SLC3A1: variants seen among roughly 807,000 people sequenced by gnomAD.
SLC3A1 encodes the protein solute carrier family 3 member 1, also known as amino acid transporter heavy chain SLC3A1.
SLC3A1 carries 78 observed loss-of-function variants against 60.3 expected under a neutral mutation model. The ratio of observed to expected loss-of-function variants is 1.29; its 90% CI spans 1.08 to 1.56. The LOEUF (loss-of-function observed/expected upper bound fraction) is 1.56, where lower values mean the gene tolerates loss of function less well. Ranked by LOEUF, SLC3A1 falls within the 40% of genes most tolerant of loss-of-function variation. The pLI, the probability that SLC3A1 is intolerant of heterozygous loss-of-function variation, is 0.00. For missense variants in SLC3A1, 1,172 were observed against 858.9 expected, an observed-to-expected ratio of 1.36 and a Z score of -4.56; for synonymous variants, 392 against 307.9, an observed-to-expected ratio of 1.27 and a Z score of -2.86.
At chr2:44,319,990 C>T (rs927671720) in intron 9 of SLC3A1, 1 of 564,734 alleles carries the variant, frequency 1.8e-6, no homozygotes, top group Admixed American at 3.0e-5. Context: ...TTATTGACTC[C>T]CAGACAAGCC....
rs374453302 is a variant in SLC3A1, at chr2:44,300,135, T to C, written c.1011+45T>C. 228 of 1,602,528 alleles carry C rather than the reference T, an allele frequency of 1.4e-4. No individual in the cohort carries two copies. The African/African-American group carries it at 2.9e-3, about 21-fold the overall frequency. Reference sequence around the variant, plus strand: ...GTTTTTCTTTTGCCTTTTCTGAAAATGTCATCAGAGTGTTTTCTTTCTCAG... The same window carrying C: ...GTTTTTCTTTTGCCTTTTCTGAAAACGTCATCAGAGTGTTTTCTTTCTCAG... On this transcript the variant is annotated intron_variant, in intron 5 of 9. Transcript: ENST00000260649.
At chr2:44,315,352 A>C (rs1181040694) in intron 9 of SLC3A1, 2 of 152,134 alleles carry the variant, frequency 1.3e-5, no homozygotes, top group Non-Finnish European at 2.9e-5. Flanking sequence ...TCTAAAATAC[A>C]TAAAGTAAAA....
chr2:44,306,138 TAG>T (rs1000732559), intron 7 of SLC3A1, among the ~76,000 whole-genome samples: 3 of 152,130 alleles, frequency 2.0e-5, no homozygotes, highest in African/African-American at 4.8e-5. Context: ...GCCTTATATA[TAG>T]AGAGAGAGTT....
intron 9 of SLC3A1, chr2:44,318,558 T>TA (rs1390809219): frequency 2.6e-5 from 4 of 152,800 alleles, no homozygotes; most frequent in African/African-American, 9.7e-5. Flanking sequence ...TATAGAATGG[T>TA]AACATATCAC....
At chr2:44,318,923 A>T (rs1239348983) in intron 9 of SLC3A1, 2 of 152,216 alleles carry the variant, frequency 1.3e-5, no homozygotes, top group Middle Eastern at 3.2e-3. Flanking sequence ...ATGCAAAATC[A>T]ACAAATCTGC....
rs1672095922 is a variant in SLC3A1, at chr2:44,304,278, G to A, written c.1272G>A (p.Val424=). ...SMLDTVSGNS[V]YEVITSWMEN... is the part of the protein sequence containing the mutation. ...TAGACACTGTTTCTGGGAACAGCGT[G>A]TATGAGGTTATCACATCCTGGATGG... The change falls in exon 7 of 10, where the codon GTG becomes GTA. Residue 424 remains valine (V), a synonymous_variant. Coordinates refer to ENST00000260649, the MANE Select transcript of SLC3A1 (RefSeq NM_000341.4). 2 of 1,614,090 alleles carry A rather than the reference G, an allele frequency of 1.2e-6. No individual in the cohort carries two copies. The highest frequency in any genetic ancestry group is 1.3e-5 in the African/African-American group (1 of 74,944).
rs56815406 is a variant in SLC3A1 at position 44,317,091 on chromosome 2, A to G, written c.1618-3108A>G. On this transcript the variant is annotated intron_variant, in intron 9 of 9. Coordinates refer to ENST00000260649, the MANE Select transcript of SLC3A1 (RefSeq NM_000341.4). ...AATGAGAGAGCAGTGTTTGTTTTGCACAGGAAAAAGAGTAACTCTAGATTT... is the reference window on the plus strand; with the variant it reads ...AATGAGAGAGCAGTGTTTGTTTTGCGCAGGAAAAAGAGTAACTCTAGATTT... Among the ~76,000 whole-genome samples the G allele has an allele frequency of 7.2e-3, 1,101 of 152,278 alleles. 16 individuals carry two copies. Among genetic ancestry groups the G allele is most frequent in the African/African-American group, 0.025 (1,058 of 41,540 alleles).
chr2:44,298,104 T>A (rs777960595), intron 4 of SLC3A1, among the ~76,000 whole-genome samples: 1 of 152,204 alleles, frequency 6.6e-6, no homozygotes, highest in African/African-American at 2.4e-5. Context: ...ATGCGTGAAA[T>A]TGCTGGGTCT....
chr2:44,321,121 T>TGG lies in SLC3A1; in HGVS notation c.*482_*483insGG, dbSNP rs1672903077. 25 of 496,118 alleles carry TGG rather than the reference T, an allele frequency of 5.0e-5. No individual in the cohort carries two copies. In the South Asian group the frequency reaches 6.1e-4, roughly 12 times the overall value. The allele number at this position is 496,118 out of a possible 1,614,324, so 30.7% of individuals were successfully genotyped here. A position where few individuals can be genotyped will look rare whatever the true frequency, so the allele number is the denominator to read the frequency against. On this transcript the variant is annotated 3_prime_UTR_variant, in exon 10 of 10. Coordinates refer to ENST00000260649, the MANE Select transcript of SLC3A1 (RefSeq NM_000341.4). ...TTCCCTTCCCTCTACTCCACATCCT[T>TGG]CTAAGGAGCATGATTTGAAAATTAC...
downstream of SLC3A1, chr2:44,321,946 T>G: frequency 1.9e-6 from 3 of 1,567,180 alleles, no homozygotes; most frequent in Non-Finnish European, 2.6e-6. Flanking sequence ...GTATGGGATC[T>G]TCTTTGGAAG....
At chr2:44,322,107 G>A (rs145030129), downstream of SLC3A1, among the ~76,000 whole-genome samples, 91 of 152,240 alleles carry the variant, frequency 6.0e-4, 1 homozygote, top group East Asian at 6.2e-3. Flanking sequence ...GGAAGAGGCC[G>A]TATGGAAAAG....
chr2:44,321,563 G>T, downstream of SLC3A1: 1 of 1,505,198 alleles, frequency 6.6e-7, no homozygotes, highest in Non-Finnish European at 8.9e-7. Context: ...TTTATGGCAA[G>T]AATACTTTCA....
At chr2:44,294,379 C>A (rs1333923469) in intron 4 of SLC3A1, among the ~76,000 whole-genome samples, 1 of 151,874 alleles carries the variant, frequency 6.6e-6, no homozygotes, top group African/African-American at 2.4e-5. Flanking sequence ...GTGACGGGCA[C>A]CTGTAATCCC....
intron 4 of SLC3A1, among the ~76,000 whole-genome samples, chr2:44,291,973 T>C (rs963514148): frequency 1.9e-4 from 29 of 152,182 alleles, no homozygotes; most frequent in African/African-American, 7.0e-4. Context: ...TCAGAAAACC[T>C]TCTCTGAGGT....
intron 4 of SLC3A1, among the ~76,000 whole-genome samples, chr2:44,295,957 A>G (rs1469799479): frequency 4.6e-5 from 7 of 152,204 alleles, no homozygotes; most frequent in Non-Finnish European, 1.5e-5. Context: ...GCCTTCTTAA[A>G]ATAGAGCACA....
rs551681864 is a variant in SLC3A1 at position 44,296,923 on chromosome 2, A to G, written c.892-3048A>G. Among the ~76,000 whole-genome samples, 11 of 152,308 alleles carry G rather than the reference A, an allele frequency of 7.2e-5. No homozygotes were observed. The South Asian group carries it at 2.3e-3, about 32-fold the overall frequency. On this transcript the variant is annotated intron_variant, in intron 4 of 9. Transcript: ENST00000260649. The stretch of plus-strand genomic sequence containing the variant: ...TGCACAAACTCTCTCGCCTGCTGTC[A>G]TGTAAGATGTGACTTTGCTCCTCAT...
intron 7 of SLC3A1, among the ~76,000 whole-genome samples, chr2:44,307,663 T>C (rs1672191565): frequency 6.6e-6 from 1 of 152,090 alleles, no homozygotes; most frequent in African/African-American, 2.4e-5. Flanking sequence ...GAGTAATGTC[T>C]GTTCAGATTC....
intron 4 of SLC3A1, among the ~76,000 whole-genome samples, chr2:44,295,588 T>TCCATC (rs1246118235): frequency 8.5e-5 from 13 of 152,250 alleles, no homozygotes; most frequent in Non-Finnish European, 1.9e-4. Context: ...TCAGAAAATG[T>TCCATC]CCATCAAGCT....
At chr2:44,289,821 G>C (rs182419643) in intron 4 of SLC3A1, among the ~76,000 whole-genome samples, 1 of 151,670 alleles carries the variant, frequency 6.6e-6, no homozygotes, top group African/African-American at 2.4e-5. Flanking sequence ...TAGTAGAGAC[G>C]CGTTTTATCA....
Sources: allele counts gnomAD v4.1 joint callset (sites outside exome capture counted in the v4.1 genomes callset), GRCh38; gene constraint gnomAD v4.1.1; transcripts MANE v1.5; gene names NCBI Gene and HGNC (gene_info 2026-07-23, HGNC 2026-07-21).